The following DBF4B variants were observed in gnomAD, a reference collection of about 807,000 sequenced individuals.
DBF4B encodes the protein DBF4B-CDC7 kinase regulatory subunit, also known as protein DBF4 homolog B.
In DBF4B, 49 loss-of-function variants were observed where a neutral mutation model predicts 53.4. The observed-to-expected ratio is 0.92, with a 90% CI of 0.73 to 1.16. DBF4B has a LOEUF of 1.16. Ranked by LOEUF, DBF4B falls within the 50% of genes most tolerant of loss-of-function variation. The probability of loss-of-function intolerance (pLI) is 0.00; values close to 1 mark genes in which losing one functional copy is unlikely to be tolerated. For synonymous variants in DBF4B, 257 were observed against 288.7 expected (o/e 0.89, Z 1.11); for missense variants, 692 against 775.0 (o/e 0.89, Z 1.27).
chr17:44,747,062 C>T (rs559610327), intron 10 of DBF4B, 21 bp from the exon 11 acceptor site: 24 of 1,610,340 alleles, frequency 1.5e-5, no homozygotes, highest in South Asian at 8.8e-5. Flanking sequence ...ACCACTTTGC[C>T]GCACTATGTA....
chr17:44,750,200 C>G, intron 13 of DBF4B: 1 of 1,000,724 alleles, frequency 1.0e-6, no homozygotes, highest in Non-Finnish European at 1.2e-6. Context: ...TTCTGGCAGC[C>G]AAGCCATTAA....
intron 11 of DBF4B, 85 bp downstream of exon 11, chr17:44,747,276 T>C: frequency 6.3e-7 from 1 of 1,595,154 alleles, no homozygotes; most frequent in Non-Finnish European, 8.6e-7. Context: ...CTATGCGATC[T>C]CTATGCTGCT....
At chr17:44,738,934 T>C (rs1975728831) in intron 9 of DBF4B, among the ~76,000 whole-genome samples, 1 of 152,232 alleles carries the variant, frequency 6.6e-6, no homozygotes. Context: ...CTGGCTCATG[T>C]TACCTCCTGA....
Position 44,741,466 on chromosome 17 carries a change from G to A in DBF4B, c.830+14G>A. On this transcript the variant is annotated intron_variant, in intron 10 of 13. Coordinates refer to ENST00000315005, the MANE Select transcript of DBF4B (RefSeq NM_145663.3). ...GCACCATACCAGGTGGGTCTTTCTGGTTCCTGAGTACCAAGGGCTGGTTAC... is the reference window on the plus strand; with the variant it reads ...GCACCATACCAGGTGGGTCTTTCTGATTCCTGAGTACCAAGGGCTGGTTAC... 1 of 1,553,806 alleles carries A rather than the reference G, an allele frequency of 6.4e-7. No individual in the cohort carries two copies. The highest frequency in any genetic ancestry group is 8.8e-7 in the Non-Finnish European group (1 of 1,139,174).
chr17:44,742,698 G>T (rs1976191612), intron 10 of DBF4B, among the ~76,000 whole-genome samples: 1 of 152,146 alleles, frequency 6.6e-6, no homozygotes, highest in Admixed American at 6.6e-5. Context: ...TAAACTGGTT[G>T]GGCCAAACAT....
In DBF4B at chr17:44,748,364, A is replaced by C; in HGVS notation, c.1088A>C (p.Asp363Ala). 2.5e-6 allele frequency: 4 copies of C among 1,606,614 alleles called. No individual in the cohort carries two copies. Among genetic ancestry groups the C allele is most frequent in the Non-Finnish European group, 3.4e-6 (4 of 1,176,416 alleles). ...LPRWSGSPAS[D>A]CDPLCPETLH... is the part of the protein sequence containing the mutation. ...AGGTGGTCAGGTTCCCCAGCTTCTG[A>C]TTGTGACCCTCTCTGTCCTGAGACT... The change falls in exon 13 of 14, where the codon GAT (aspartate) becomes GCT (alanine). Residue 363 changes from aspartate (D) to alanine (A), a missense_variant. Transcript: ENST00000315005.
rs776906515 is a variant in DBF4B, at chr17:44,722,888, AG to A, written c.93del (p.Arg31SerfsTer3). On this transcript the variant is annotated frameshift_variant, in exon 3 of 14. Transcript: ENST00000315005. LOFTEE classifies it high-confidence loss of function. ...RLRAPDLGVS[R>X]CLGKCQKNSP... is the part of the protein sequence containing the mutation. ...TCTTTATTGTTTTCTAGGAGTTTCC[AG>A]GTGTCTAGGAAAATGCCAGAAGAAC... 2.5e-6 allele frequency: 4 copies of A among 1,614,026 alleles called. No individual in the cohort carries two copies. Among genetic ancestry groups the A allele is most frequent in the East Asian group, 2.2e-5 (1 of 44,884 alleles).
At chr17:44,733,471 A>G (rs1975042482) in intron 6 of DBF4B, among the ~76,000 whole-genome samples, 1 of 152,210 alleles carries the variant, frequency 6.6e-6, no homozygotes, top group East Asian at 1.9e-4. Context: ...ACCCAGCTCC[A>G]TTCTTGAGTC....
chr17:44,742,772 G>A (rs924221310), intron 10 of DBF4B, among the ~76,000 whole-genome samples: 1 of 152,140 alleles, frequency 6.6e-6, no homozygotes, highest in South Asian at 2.1e-4. Context: ...ATGGCTTGTG[G>A]GCTTGTTAAT....
At chr17:44,730,327 C>T (rs1255427991) in intron 4 of DBF4B, among the ~76,000 whole-genome samples, 1 of 152,168 alleles carries the variant, frequency 6.6e-6, no homozygotes, top group Non-Finnish European at 1.5e-5. Context: ...ACTTGAAAGT[C>T]AGAGGTTTAG....
At chr17:44,722,048 C>T (rs1467732407) in intron 2 of DBF4B, among the ~76,000 whole-genome samples, 1 of 151,862 alleles carries the variant, frequency 6.6e-6, no homozygotes, top group Admixed American at 6.6e-5. Context: ...GCAAGTGAAT[C>T]GCTTGAACCT....
chr17:44,750,327 T>G, intron 13 of DBF4B: 2 of 1,252,984 alleles, frequency 1.6e-6, no homozygotes, highest in Non-Finnish European at 2.0e-6. Flanking sequence ...AGTTGTCTCT[T>G]TAAATGTTGA....
chr17:44,748,767 A>T (rs756753030), intron 13 of DBF4B: 78 of 1,328,800 alleles, frequency 5.9e-5, no homozygotes, highest in Non-Finnish European at 7.5e-5. Flanking sequence ...CACAGGCTTC[A>T]TTTTTTGTCC....
intron 6 of DBF4B, chr17:44,732,987 A>C (rs1568182169): frequency 6.6e-6 from 1 of 152,074 alleles, no homozygotes; most frequent in Non-Finnish European, 1.5e-5. Context: ...AACACGGTGA[A>C]ACCCCTTTTC....
chr17:44,750,166 C>T, intron 13 of DBF4B: 1 of 1,000,128 alleles, frequency 1.0e-6, no homozygotes. Flanking sequence ...TCCCTCCTCT[C>T]CTTCCCCAAG....
chr17:44,749,898 G>C lies in DBF4B; in HGVS notation c.1190-697G>C. Reference sequence around the variant, plus strand: ...TTTGTCCCCTCCCCCAGCCCCCCACGCTCCCGCACACAGATCCTCAGGAAC... The same window carrying C: ...TTTGTCCCCTCCCCCAGCCCCCCACCCTCCCGCACACAGATCCTCAGGAAC... On this transcript the variant is annotated intron_variant, in intron 13 of 13. Coordinates refer to ENST00000315005, the MANE Select transcript of DBF4B (RefSeq NM_145663.3). This position sits in a 1 kb window ranked among gnomAD's most constrained non-coding sequence, Gnocchi z 4.4. 9.6e-7 allele frequency: 1 copy of C among 1,039,048 alleles called. No homozygotes were observed. The highest frequency in any genetic ancestry group is 1.2e-6 in the Non-Finnish European group (1 of 862,100). 64.4% of individuals were successfully genotyped at this position (1,039,048 alleles called of 1,614,324 possible).
At chr17:44,718,523 G>C (rs1251641807) in intron 2 of DBF4B, among the ~76,000 whole-genome samples, 3 of 151,652 alleles carry the variant, frequency 2.0e-5, no homozygotes, top group Non-Finnish European at 4.4e-5. Flanking sequence ...GATGACCTCA[G>C]TACTTTTGAA....
rs757983412 is a variant in DBF4B, at chr17:44,736,837, G to A, written c.638G>A (p.Cys213Tyr). The change falls in exon 8 of 14, where the codon TGT (cysteine) becomes TAT (tyrosine). Residue 213 changes from cysteine (C) to tyrosine (Y), a missense_variant. By Grantham distance (194) the Cys-to-Tyr change is radical. Transcript: ENST00000315005. The part of the protein sequence containing the change: ...KQQPKKPEGT[C>Y]PAAESRTRKV... ...TTTTTCCTTTCCATTTAGGGAACAT[G>A]TCCAGCAGCAGAGTCAAGAACACGG... 7 of 1,614,074 alleles carry A rather than the reference G, an allele frequency of 4.3e-6. No homozygotes were observed. The South Asian group carries it at 7.7e-5, about 18-fold the overall frequency.
At position 44,722,067 on chromosome 17, in the gene DBF4B, G is replaced by A. The variant is rs1018230849; in HGVS notation, c.83-813G>A. 5.9e-5 allele frequency among the ~76,000 whole-genome samples: 9 copies of A among 151,916 alleles called. 1 individual carries two copies. Among genetic ancestry groups the A allele is most frequent in the Admixed American group, 5.9e-4 (9 of 15,238 alleles). Reference sequence around the variant, plus strand: ...GTGAATCGCTTGAACCTGGAAGAAGGAGGTTGCGATAAGCCGAGATCGCGC... The same window carrying A: ...GTGAATCGCTTGAACCTGGAAGAAGAAGGTTGCGATAAGCCGAGATCGCGC... On this transcript the variant is annotated intron_variant, in intron 2 of 13. Coordinates refer to ENST00000315005, the MANE Select transcript of DBF4B (RefSeq NM_145663.3).
Sources: gnomAD v4.1 joint callset for allele counts (sites outside exome capture counted in the v4.1 genomes callset) on GRCh38, gnomAD v4.1.1 for gene constraint, Gnocchi (gnomAD v3.1) non-coding constraint, MANE v1.5 for transcripts, NCBI Gene and HGNC (gene_info 2026-07-23, HGNC 2026-07-21) for gene names.